Variants in RBFOX1 observed in about 807,000 individuals in gnomAD.
The protein encoded by RBFOX1 is RNA binding fox-1 homolog 1.
In RBFOX1, 8 loss-of-function variants were observed where a neutral mutation model predicts 57.7. The observed-to-expected ratio is 0.14, with a 90% CI of 0.08 to 0.25. The LOEUF (loss-of-function observed/expected upper bound fraction) is 0.25. RBFOX1 is among the 10% of genes least tolerant of loss of function. The pLI, the probability that RBFOX1 is intolerant of heterozygous loss-of-function variation, is 1.00. For synonymous variants in RBFOX1, 326 were observed against 222.4 expected (o/e 1.47, Z -4.15); for missense variants, 611 against 548.5 (o/e 1.11, Z -1.14).
chr16:6,836,716 C>T (rs1287969690), intron 3 of RBFOX1, among the ~76,000 whole-genome samples: 1 of 152,186 alleles, frequency 6.6e-6, no homozygotes, highest in Non-Finnish European at 1.5e-5. Context: ...TCCCTTGCTA[C>T]AATAACATAG....
At chr16:7,177,538 G>A (rs973904250) in intron 4 of RBFOX1, among the ~76,000 whole-genome samples, 1 of 151,980 alleles carries the variant, frequency 6.6e-6, no homozygotes, top group Non-Finnish European at 1.5e-5. Context: ...GCTTTATATG[G>A]TTTTCTACCT....
At chr16:7,167,846 A>G (rs995699527) in intron 4 of RBFOX1, among the ~76,000 whole-genome samples, 4 of 116,306 alleles carry the variant, frequency 3.4e-5, no homozygotes, top group Non-Finnish European at 5.2e-5. Context: ...AGCCTAAAAT[A>G]TTTACTATCT....
At chr16:5,306,561 G>C (rs1176607890) in intron 1 of RBFOX1, among the ~76,000 whole-genome samples, 1 of 152,100 alleles carries the variant, frequency 6.6e-6, no homozygotes, top group Non-Finnish European at 1.5e-5. Context: ...ACCTGCCTTG[G>C]CCTCCCAGAT....
At chr16:5,567,157 A>G (rs1479889842) in intron 2 of RBFOX1, among the ~76,000 whole-genome samples, 1 of 152,196 alleles carries the variant, frequency 6.6e-6, no homozygotes, top group East Asian at 1.9e-4. Context: ...GGAAACAAAT[A>G]AAGCCGGTGC....
At chr16:6,998,310 C>T (rs1329297324) in intron 3 of RBFOX1, among the ~76,000 whole-genome samples, 1 of 152,118 alleles carries the variant, frequency 6.6e-6, no homozygotes, top group Non-Finnish European at 1.5e-5. Context: ...GGATGAACAA[C>T]ACTCATTAGT....
chr16:7,288,352 T>G (rs1342525260), intron 4 of RBFOX1, among the ~76,000 whole-genome samples: 1 of 152,192 alleles, frequency 6.6e-6, no homozygotes, highest in Non-Finnish European at 1.5e-5. Flanking sequence ...AAAATCACAC[T>G]CATCTGAGTT....
At chr16:6,343,373 AT>A (rs34371601) in intron 2 of RBFOX1, among the ~76,000 whole-genome samples, 15,357 of 152,174 alleles carry the variant, frequency 0.1, 989 homozygotes, top group South Asian at 0.17. Flanking sequence ...TCATTAGTAG[AT>A]TTTTCCCCCT....
At chr16:5,592,614 C>G (rs1414089612) in intron 2 of RBFOX1, among the ~76,000 whole-genome samples, 3 of 152,122 alleles carry the variant, frequency 2.0e-5, no homozygotes, top group Non-Finnish European at 2.9e-5. Context: ...TGGGGTTTCA[C>G]CATGTTGGCT....
chr16:7,221,363 A>ATTTT (rs1034337950), intron 4 of RBFOX1, among the ~76,000 whole-genome samples: 102 of 146,546 alleles, frequency 7.0e-4, no homozygotes, highest in East Asian at 2.0e-3. Flanking sequence ...TTATTTATTT[A>ATTTT]TTTTTTTATT....
intron 1 of RBFOX1, among the ~76,000 whole-genome samples, chr16:5,381,117 G>A (rs1315950415): frequency 7.9e-5 from 12 of 152,188 alleles, no homozygotes; most frequent in Admixed American, 7.9e-4. Context: ...GGATGCTGAA[G>A]GAGGAAGAGG....
intron 1 of RBFOX1, among the ~76,000 whole-genome samples, chr16:6,247,367 T>C (rs1598780955): frequency 6.6e-6 from 1 of 152,182 alleles, no homozygotes; most frequent in East Asian, 1.9e-4. Flanking sequence ...GCTGGTCACA[T>C]GTGTGATTTG....
At chr16:6,867,634 G>T (rs147030591) in intron 3 of RBFOX1, among the ~76,000 whole-genome samples, 1 of 152,116 alleles carries the variant, frequency 6.6e-6, no homozygotes, top group Admixed American at 6.5e-5. Context: ...CAGCAGGATC[G>T]CTTGAACCCG....
chr16:5,764,405 T>G (rs2053703610), intron 3 of RBFOX1, among the ~76,000 whole-genome samples: 1 of 152,240 alleles, frequency 6.6e-6, no homozygotes. Flanking sequence ...TTGTAAAGCC[T>G]GCAGAACCAT....
intron 1 of RBFOX1, among the ~76,000 whole-genome samples, chr16:6,090,315 TG>T (rs2096152699): frequency 6.6e-6 from 1 of 152,172 alleles, no homozygotes. Context: ...CCTGTTGCCC[TG>T]TAAGGTAAAA....
intron 2 of RBFOX1, among the ~76,000 whole-genome samples, chr16:6,513,574 A>G (rs143002713): frequency 5.1e-4 from 77 of 152,168 alleles, no homozygotes; most frequent in African/African-American, 1.8e-3. Context: ...TCTCTACTAA[A>G]AATACAAAAA....
chr16:6,814,884 A>T (rs928111549), intron 3 of RBFOX1, among the ~76,000 whole-genome samples: 1 of 152,158 alleles, frequency 6.6e-6, no homozygotes, highest in East Asian at 1.9e-4. Context: ...TTGCACAGAA[A>T]AGAATTTGGG....
intron 1 of RBFOX1, among the ~76,000 whole-genome samples, chr16:6,067,410 C>T (rs986109930): frequency 2.2e-4 from 32 of 147,036 alleles, no homozygotes; most frequent in African/African-American, 7.6e-4. Context: ...CAAACAAACA[C>T]CCTGAAAATA....
chr16:5,299,941 T>C (rs1163944935), intron 1 of RBFOX1, among the ~76,000 whole-genome samples: 2 of 152,194 alleles, frequency 1.3e-5, no homozygotes, highest in Non-Finnish European at 2.9e-5. Flanking sequence ...AGATGCACTT[T>C]ATCACATTGA....
chr16:6,549,979 C>T (rs939814532), intron 2 of RBFOX1, among the ~76,000 whole-genome samples: 1 of 152,140 alleles, frequency 6.6e-6, no homozygotes, highest in African/African-American at 2.4e-5. Context: ...AGTGGATTTT[C>T]TGACACTTTT....
Sources: allele counts gnomAD v4.1 joint callset (sites outside exome capture counted in the v4.1 genomes callset), GRCh38; gene constraint gnomAD v4.1.1; transcripts MANE v1.5; gene names NCBI Gene and HGNC (gene_info 2026-07-23, HGNC 2026-07-21).